The following RIMS1 variants were observed in gnomAD, a reference collection of about 807,000 sequenced individuals.
RIMS1 encodes regulating synaptic membrane exocytosis protein 1.
A neutral mutation model predicts 214.1 loss-of-function variants in RIMS1; 83 were observed. That is an observed-to-expected ratio of 0.39 (90% confidence interval 0.32 to 0.47). RIMS1 has a LOEUF of 0.47. RIMS1 is among the 20% of genes least tolerant of loss of function. The pLI is 0.99. For synonymous variants in RIMS1, 793 were observed against 786.8 expected (o/e 1.01, Z -0.13); for missense variants, 2,050 against 2,161.8 (o/e 0.95, Z 1.03).
intron 4 of RIMS1, among the ~76,000 whole-genome samples, chr6:72,164,014 C>A (rs1006265955): frequency 2.0e-5 from 3 of 152,160 alleles, no homozygotes; most frequent in African/African-American, 7.2e-5. Flanking sequence ...GCAGGCAGGT[C>A]TCCTTGAGCT....
intron 22 of RIMS1, among the ~76,000 whole-genome samples, chr6:72,268,377 A>G (rs1004304063): frequency 1.3e-5 from 2 of 152,210 alleles, no homozygotes; most frequent in Admixed American, 6.6e-5. Flanking sequence ...ATAAAATGTT[A>G]GAGCAAATGT....
chr6:72,181,715 T>C (rs1275346342), intron 5 of RIMS1, among the ~76,000 whole-genome samples: 1 of 152,206 alleles, frequency 6.6e-6, no homozygotes, highest in Non-Finnish European at 1.5e-5. Context: ...GCTGGGCAAC[T>C]TCAGGGAGAA....
At chr6:72,118,340 A>T (rs909273992) in intron 4 of RIMS1, among the ~76,000 whole-genome samples, 1 of 151,376 alleles carries the variant, frequency 6.6e-6, no homozygotes, top group Non-Finnish European at 1.5e-5. Flanking sequence ...ATTAAAAAAA[A>T]TTGCCAGTAA....
At chr6:72,309,112 A>G (rs980497276) in intron 27 of RIMS1, among the ~76,000 whole-genome samples, 6 of 152,144 alleles carry the variant, frequency 3.9e-5, no homozygotes, top group Non-Finnish European at 5.9e-5. Context: ...CAGTATAGGA[A>G]ACAAGAAAGA....
intron 6 of RIMS1, among the ~76,000 whole-genome samples, chr6:72,205,426 A>G (rs1044838083): frequency 9.2e-5 from 14 of 152,164 alleles, no homozygotes; most frequent in African/African-American, 2.7e-4. Context: ...GGGGCTGCCA[A>G]GACAGCTCTT....
chr6:71,918,110 T>C (rs972541962), intron 1 of RIMS1, among the ~76,000 whole-genome samples: 2 of 151,978 alleles, frequency 1.3e-5, no homozygotes, highest in African/African-American at 2.4e-5. Flanking sequence ...AGTGGTCAGA[T>C]TGTAGATGTT....
intron 29 of RIMS1, among the ~76,000 whole-genome samples, chr6:72,338,114 G>A (rs567923347): frequency 0.011 from 1,732 of 151,760 alleles, 23 homozygotes; most frequent in Middle Eastern, 0.024. Flanking sequence ...CCAGTAATGG[G>A]ATGGCTGGGT....
At chr6:72,216,956 C>T in intron 6 of RIMS1, 1 of 1,352,872 alleles carries the variant, frequency 7.4e-7, no homozygotes, top group Non-Finnish European at 9.5e-7. Flanking sequence ...CTGCAGAGAT[C>T]TGTTTTGATG....
intron 16 of RIMS1, among the ~76,000 whole-genome samples, chr6:72,255,438 C>T (rs2075402022): frequency 6.6e-6 from 1 of 152,116 alleles, no homozygotes; most frequent in Non-Finnish European, 1.5e-5. Flanking sequence ...TTCCTAATGC[C>T]TTGGCTTTTC....
chr6:71,926,582 C>G (rs915344241), intron 1 of RIMS1, among the ~76,000 whole-genome samples: 7 of 152,176 alleles, frequency 4.6e-5, no homozygotes, highest in Admixed American at 6.5e-5. Context: ...CCAAACTTGT[C>G]TCTCATTTCT....
chr6:72,148,377 GA>G (rs1286868156), intron 4 of RIMS1, among the ~76,000 whole-genome samples: 2 of 152,074 alleles, frequency 1.3e-5, no homozygotes, highest in East Asian at 1.9e-4. Flanking sequence ...TGGGATACAA[GA>G]GGGGGAGAAA....
intron 2 of RIMS1, among the ~76,000 whole-genome samples, chr6:71,982,422 A>G (rs7743295): frequency 0.86 from 130,776 of 152,058 alleles, 56,386 homozygotes; most frequent in East Asian, 1. Context: ...TACACATAAG[A>G]GTGCTCAAAT....
chr6:72,080,177 T>C (rs1241233486), intron 2 of RIMS1, among the ~76,000 whole-genome samples: 5 of 143,274 alleles, frequency 3.5e-5, no homozygotes, highest in Non-Finnish European at 7.5e-5. Flanking sequence ...GGCAGGAGAA[T>C]CGCTGGAACC....
At chr6:72,246,165 A>C (rs1563014487) in intron 11 of RIMS1, among the ~76,000 whole-genome samples, 1 of 152,182 alleles carries the variant, frequency 6.6e-6, no homozygotes, top group East Asian at 1.9e-4. Flanking sequence ...TAGTTACATT[A>C]ACATTTATTG....
At chr6:72,393,701 T>C (rs2098737675) in intron 31 of RIMS1, among the ~76,000 whole-genome samples, 1 of 151,722 alleles carries the variant, frequency 6.6e-6, no homozygotes, top group African/African-American at 2.4e-5. Context: ...CACTCCAGCC[T>C]GGGCGACAGA....
chr6:72,063,415 G>A (rs991648339), intron 2 of RIMS1, among the ~76,000 whole-genome samples: 1 of 152,136 alleles, frequency 6.6e-6, no homozygotes, highest in Non-Finnish European at 1.5e-5. Context: ...GAAACAATAA[G>A]TGTAAAAGCA....
At chr6:72,069,223 G>A (rs534025696) in intron 2 of RIMS1, among the ~76,000 whole-genome samples, 4 of 152,338 alleles carry the variant, frequency 2.6e-5, no homozygotes, top group Admixed American at 2.6e-4. Flanking sequence ...TTTTACTGCT[G>A]TAGGAGATGC....
intron 2 of RIMS1, among the ~76,000 whole-genome samples, chr6:72,076,854 A>G (rs1832020767): frequency 6.6e-6 from 1 of 152,256 alleles, no homozygotes; most frequent in African/African-American, 2.4e-5. Context: ...TGCCTTGCTT[A>G]TGGTCTGGTT....
intron 4 of RIMS1, among the ~76,000 whole-genome samples, chr6:72,108,140 C>G (rs77224721): frequency 0.017 from 2,567 of 152,252 alleles, 79 homozygotes; most frequent in African/African-American, 0.057. Flanking sequence ...CTACCTCACC[C>G]TTCTGTAACT....
Sources: gnomAD v4.1 joint callset for allele counts (sites outside exome capture counted in the v4.1 genomes callset) on GRCh38, gnomAD v4.1.1 for gene constraint, MANE v1.5 for transcripts, NCBI Gene and HGNC (gene_info 2026-07-23, HGNC 2026-07-21) for gene names.